The following ATP7A variants were observed in gnomAD, a reference collection of about 807,000 sequenced individuals.
ATP7A encodes copper-transporting ATPase 1.
In ATP7A, 7 loss-of-function variants were observed where a neutral mutation model predicts 83.5. The ratio of observed to expected loss-of-function variants is 0.08; its 90% CI spans 0.05 to 0.16. The LOEUF is 0.16. ATP7A is among the 10% of genes least tolerant of loss of function. ATP7A has a pLI of 1.00. For synonymous variants in ATP7A, 354 were observed against 395.2 expected (o/e 0.90, Z 1.24); for missense variants, 940 against 1,120.8 (o/e 0.84, Z 2.30).
At chrX:78,020,144 C>T in intron 12 of ATP7A, 100 bp from the exon 13 acceptor site, 3 of 1,008,815 alleles carry the variant, frequency 3.0e-6, no homozygotes, top group South Asian at 3.9e-5. Flanking sequence ...TGTTCAGATT[C>T]TATTTTATAT....
chrX:77,921,640 C>T (rs914078361), intron 1 of ATP7A, among the ~76,000 whole-genome samples: 1 of 112,187 alleles, frequency 8.9e-6, no homozygotes, highest in Non-Finnish European at 1.9e-5. Flanking sequence ...CAGTGCCTCA[C>T]GCCTGTAATC....
intron 14 of ATP7A, among the ~76,000 whole-genome samples, chrX:78,026,294 A>T (rs1361658546): frequency 8.9e-6 from 1 of 112,231 alleles, no homozygotes; most frequent in African/African-American, 3.2e-5. Flanking sequence ...CTTGTATTAC[A>T]TAAAACAGAG....
At chrX:78,042,277 T>C (rs1557238521) in intron 19 of ATP7A, among the ~76,000 whole-genome samples, 1 of 111,622 alleles carries the variant, frequency 9.0e-6, no homozygotes, top group African/African-American at 3.3e-5. Context: ...ATAAACATCT[T>C]TGGACATGTA....
intron 1 of ATP7A, among the ~76,000 whole-genome samples, chrX:77,970,572 T>C (rs1208790726): frequency 9.0e-6 from 1 of 111,554 alleles, no homozygotes; most frequent in Non-Finnish European, 1.9e-5. Flanking sequence ...CTGGGGAGGC[T>C]GATGCAGGAG....
At position 78,015,675 on chromosome X, in the gene ATP7A, G is replaced by A. The variant is rs986166442; in HGVS notation, c.2499-79G>A. The A allele has an allele frequency of 1.3e-4, 145 of 1,159,335 alleles. 1 individual carries two copies. The highest frequency in any genetic ancestry group is 1.0e-3 in the South Asian group (55 of 55,032). On this transcript the variant is annotated intron_variant, in intron 11 of 22. Coordinates refer to ENST00000341514, the MANE Select transcript of ATP7A (RefSeq NM_000052.7). ...GTAATTATGGAGCCACAAGCTTGAC[G>A]TGAACTAAAGAGCTTACATGGAGAG... is the stretch of plus-strand genomic sequence containing the variant.
chrX:77,926,707 AT>A (rs1232019665), intron 1 of ATP7A, among the ~76,000 whole-genome samples: 76 of 101,975 alleles, frequency 7.5e-4, no homozygotes, highest in South Asian at 1.7e-3. Flanking sequence ...GACTTTTGCA[AT>A]TTTTTTTTTT....
At position 78,014,703 on chromosome X, in the gene ATP7A, A is replaced by C. The variant is rs782104223; in HGVS notation, c.2448A>C (p.Gln816His). The C allele has an allele frequency of 9.1e-6, 11 of 1,209,196 alleles. No individual in the cohort carries two copies. Residue 816 changes from glutamine (Q) to histidine (H), a missense_variant, in exon 11 of 23, where the codon CAA becomes CAC. Gln to His is a conservative substitution (Grantham distance 24). Coordinates refer to ENST00000341514, the MANE Select transcript of ATP7A (RefSeq NM_000052.7). ...CTCTTGCAAAGTTAATTTCACTACA[A>C]GCTACAGAAGCAACTATTGTAACTC... ...SEALAKLISL[Q>H]ATEATIVTLD...
chrX:77,945,376 C>T (rs1557226072), intron 1 of ATP7A, among the ~76,000 whole-genome samples: 2 of 110,264 alleles, frequency 1.8e-5, no homozygotes, highest in South Asian at 3.8e-4. Flanking sequence ...GGCGGTGTTT[C>T]GCCATGTTGC....
chrX:78,046,253 T>C lies in ATP7A; in HGVS notation c.4227-41T>C, dbSNP rs782508689. 23 of 1,197,390 alleles carry C rather than the reference T, an allele frequency of 1.9e-5. No homozygotes were observed. In the South Asian group the frequency reaches 3.2e-4, roughly 17 times the overall value. On this transcript the variant is annotated intron_variant, in intron 22 of 22. Coordinates refer to ENST00000341514, the MANE Select transcript of ATP7A (RefSeq NM_000052.7). ...TGCATGTAGCGAGCATCTCATTTAC[T>C]TTTGGTTATTTGAAACTAGCATACT...
At position 78,029,452 on chromosome X, in the gene ATP7A, A is replaced by G. The variant is rs962695990; in HGVS notation, c.3111+8A>G. 2 of 1,203,700 alleles carry G rather than the reference A, an allele frequency of 1.7e-6. No individual in the cohort carries two copies. The highest frequency in any genetic ancestry group is 2.2e-6 in the Non-Finnish European group (2 of 889,190). ...TTGGAGATGGCTCATAAGGTAAGAC[A>G]GTCCCCAGAACTAAAACCTGTACCA... On this transcript the variant is annotated splice_region_variant and intron_variant, in intron 15 of 22. Coordinates refer to ENST00000341514, the MANE Select transcript of ATP7A (RefSeq NM_000052.7).
chrX:77,951,492 A>T (rs1278823892), intron 1 of ATP7A, among the ~76,000 whole-genome samples: 1 of 111,420 alleles, frequency 9.0e-6, no homozygotes, highest in Non-Finnish European at 1.9e-5. Flanking sequence ...CCCTTGTTAT[A>T]TACTGAATTC....
intron 1 of ATP7A, among the ~76,000 whole-genome samples, chrX:77,931,585 G>A (rs1347694431): frequency 2.7e-5 from 3 of 111,408 alleles, no homozygotes; most frequent in Non-Finnish European, 5.7e-5. Context: ...TCCCAGTAGG[G>A]GCGGCCGGGC....
chrX:78,007,892 T>C (rs1412878408), intron 6 of ATP7A, among the ~76,000 whole-genome samples: 1 of 111,849 alleles, frequency 8.9e-6, no homozygotes, highest in East Asian at 2.8e-4. Flanking sequence ...TAACATGGGG[T>C]ATCCATCCCC....
At chrX:78,030,980 C>T (rs782372260) in intron 15 of ATP7A, among the ~76,000 whole-genome samples, 2 of 110,940 alleles carry the variant, frequency 1.8e-5, no homozygotes, top group Non-Finnish European at 3.8e-5. Context: ...CTTGAGCCAC[C>T]GCACCTGGCC....
chrX:77,977,916 TA>T lies in ATP7A; in HGVS notation c.120+6162del, dbSNP rs781842521. ...TATGTTAGTAACCTTTATTCTTTTTTAAAAAAATATTTTACTAAGTGTGAAG... is the reference window on the plus strand; with the variant it reads ...TATGTTAGTAACCTTTATTCTTTTTTAAAAAATATTTTACTAAGTGTGAAG... On this transcript the variant is annotated intron_variant, in intron 2 of 22. Coordinates refer to ENST00000341514, the MANE Select transcript of ATP7A (RefSeq NM_000052.7). 3.6e-5 allele frequency among the ~76,000 whole-genome samples: 4 copies of T among 111,930 alleles called. No homozygotes were observed. The South Asian group carries it at 1.5e-3, about 42-fold the overall frequency.
intron 1 of ATP7A, among the ~76,000 whole-genome samples, chrX:77,931,840 C>T (rs2077281008): frequency 1.0e-5 from 1 of 96,959 alleles, no homozygotes. Flanking sequence ...CCACCTCCCT[C>T]CCGGACGGGG....
intron 1 of ATP7A, chrX:77,969,630 G>A: frequency 8.3e-7 from 1 of 1,211,698 alleles, no homozygotes; most frequent in Non-Finnish European, 1.1e-6. Context: ...CCAGTTTGTA[G>A]GCGGCCATGG....
chrX:77,947,299 A>G (rs1251041294), intron 1 of ATP7A, among the ~76,000 whole-genome samples: 2 of 111,558 alleles, frequency 1.8e-5, no homozygotes, highest in African/African-American at 3.3e-5. Flanking sequence ...TAGGTACAAA[A>G]TTTGAATTTG....
chrX:77,989,453 A>T lies in ATP7A; in HGVS notation c.831A>T (p.Ser277=), dbSNP rs2149083138. 8.3e-7 allele frequency: 1 copy of T among 1,211,983 alleles called. No homozygotes were observed. ...QQRSPSYTND[S]TATFIIDGMH... The stretch of plus-strand genomic sequence containing the variant: ...GGAGTCCATCATATACCAATGATTC[A>T]ACAGCCACTTTCATCATTGATGGCA... Residue 277 remains serine, a synonymous_variant, in exon 4 of 23, where the codon TCA becomes TCT. Transcript: ENST00000341514.
Sources: allele counts gnomAD v4.1 joint callset (sites outside exome capture counted in the v4.1 genomes callset), GRCh38; gene constraint gnomAD v4.1.1; transcripts MANE v1.5; gene names NCBI Gene and HGNC (gene_info 2026-07-23, HGNC 2026-07-21).